The following MZB1 variants were observed in gnomAD, a reference collection of about 807,000 sequenced individuals.
MZB1 encodes marginal zone B and B1 cell specific protein, also known as marginal zone B- and B1-cell-specific protein.
Under a neutral mutation model 17.2 loss-of-function variants are expected in MZB1, and 10 were observed. That is an observed-to-expected ratio of 0.58 (90% CI 0.36 to 0.98). The LOEUF is 0.98. Ranked by LOEUF, MZB1 falls within the 50% of genes least tolerant of loss-of-function variation. The pLI, the probability that MZB1 is intolerant of heterozygous loss-of-function variation, is 0.01. For missense variants in MZB1, 246 were observed against 237.5 expected, an observed-to-expected ratio of 1.04 and a Z score of -0.23; for synonymous variants, 99 against 98.7, an observed-to-expected ratio of 1.00 and a Z score of -0.02.
In MZB1 at chr5:139,389,763, G is replaced by A; in HGVS notation, c.94C>T (p.Pro32Ser). 6.4e-7 allele frequency: 1 copy of A among 1,558,726 alleles called. No homozygotes were observed. The highest frequency in any genetic ancestry group is 8.7e-7 in the Non-Finnish European group (1 of 1,151,378). Reference sequence around the variant, plus strand: ...TACATCTCCTCATCATCCAGTTGTGGGGCTGTGGCTGTGAGTGGCGCCCTG... The same window carrying A: ...TACATCTCCTCATCATCCAGTTGTGAGGCTGTGGCTGTGAGTGGCGCCCTG... ...GDRAPLTATA[P>S]QLDDEEMYSA... Residue 32 changes from proline (P) to serine (S), a missense_variant, in exon 1 of 4, where the codon CCA (proline) becomes TCA (serine). By Grantham distance (74) the Pro-to-Ser change is moderately conservative. Transcript: ENST00000302125.
intron 1 of MZB1, chr5:139,388,864 A>C: frequency 3.6e-6 from 1 of 279,248 alleles, no homozygotes; most frequent in Non-Finnish European, 6.7e-6. Context: ...GTGTCATTTT[A>C]TTTTTATTTA....
chr5:139,389,430 G>A (rs761398510), intron 1 of MZB1: 41 of 686,086 alleles, frequency 6.0e-5, no homozygotes, highest in South Asian at 5.7e-4. Flanking sequence ...CCTGGAAAGG[G>A]AGAAGTCTAA....
At chr5:139,387,965 G>C (rs1308987298) in intron 3 of MZB1, 44 bp from the exon 4 acceptor site, 1 of 1,581,652 alleles carries the variant, frequency 6.3e-7, no homozygotes. Context: ...CCAGCCCACA[G>C]TGGGGCAAAC....
At chr5:139,388,333 C>T in intron 2 of MZB1, 128 bp downstream of exon 2, 2 of 1,197,022 alleles carry the variant, frequency 1.7e-6, no homozygotes, top group South Asian at 1.5e-5. Flanking sequence ...GACTTCATCC[C>T]AGCCAGCCCC....
intron 3 of MZB1, 29 bp from the exon 4 acceptor site, chr5:139,387,950 G>T: frequency 6.3e-7 from 1 of 1,577,434 alleles, no homozygotes. Context: ...AGCCTCAGAT[G>T]CTGCCCAGCC....
Position 139,389,809 on chromosome 5 carries a change from G to A in MZB1, c.48C>T (p.Ala16=). ...PLLLLLLGAW[A]IPGGLGDRAP... Reference sequence around the variant, plus strand: ...CCCTGTCCCCGAGGCCCCCTGGGATGGCCCAGGCTCCCAGCAGCAGCAGCA... The same window carrying A: ...CCCTGTCCCCGAGGCCCCCTGGGATAGCCCAGGCTCCCAGCAGCAGCAGCA... Residue 16 remains alanine, a synonymous_variant, in exon 1 of 4, where the codon GCC becomes GCT. Transcript: ENST00000302125. 2 of 1,550,614 alleles carry A rather than the reference G, an allele frequency of 1.3e-6. No individual in the cohort carries two copies. The highest frequency in any genetic ancestry group is 8.7e-7 in the Non-Finnish European group (1 of 1,147,098).
At chr5:139,389,539 T>G (rs1223915997) in intron 1 of MZB1, 141 bp downstream of exon 1, 38 of 1,029,698 alleles carry the variant, frequency 3.7e-5, no homozygotes, top group Admixed American at 2.0e-5. Context: ...GCATGGAATA[T>G]ATGAAAGGCT....
Position 139,387,503 on chromosome 5 carries a change from A to C in MZB1, c.*262T>G, listed in dbSNP as rs765373565. 8 of 288,478 alleles carry C rather than the reference A, an allele frequency of 2.8e-5. No individual in the cohort carries two copies. Among genetic ancestry groups the C allele is most frequent in the Middle Eastern group, 3.8e-4 (1 of 2,630 alleles). The allele number at this position is 288,478 out of a possible 1,614,324, so 17.9% of individuals were successfully genotyped here. ...AGTTTTTTTTTTTTTTTCACAAGGG[A>C]CATCAGCAGAAACACCAATGTCTGC... On this transcript the variant is annotated 3_prime_UTR_variant, in exon 4 of 4. Coordinates refer to ENST00000302125, the MANE Select transcript of MZB1 (RefSeq NM_016459.4).
Position 139,388,071 on chromosome 5 carries a change from C to T in MZB1, c.363G>A (p.Gly121=), listed in dbSNP as rs1020705719. 1.3e-6 allele frequency: 2 copies of T among 1,553,516 alleles called. No individual in the cohort carries two copies. The highest frequency in any genetic ancestry group is 1.2e-5 in the South Asian group (1 of 84,264). The part of the protein sequence containing the change: ...KRLTGPGLSE[G]PEPSISVMVT... ...CCATCACGCTGATGCTTGGCTCTGGCCCCTCGCTAAGTCCTGGGCCTGTGA... is the reference window on the plus strand; with the variant it reads ...CCATCACGCTGATGCTTGGCTCTGGTCCCTCGCTAAGTCCTGGGCCTGTGA... Residue 121 remains glycine (G), a synonymous_variant, in exon 3 of 4, where the codon GGG becomes GGA. Coordinates refer to ENST00000302125, the MANE Select transcript of MZB1 (RefSeq NM_016459.4).
chr5:139,389,675 C>T lies in MZB1; in HGVS notation c.177+5G>A. 6.3e-7 allele frequency: 1 copy of T among 1,587,236 alleles called. No individual in the cohort carries two copies. The highest frequency in any genetic ancestry group is 1.3e-5 in the African/African-American group (1 of 74,496). On this transcript the variant is annotated splice_donor_5th_base_variant and intron_variant, in intron 1 of 3. Coordinates refer to ENST00000302125, the MANE Select transcript of MZB1 (RefSeq NM_016459.4). ...AGGGCAGGGTGACAGTGGTGAAGGA[C>T]TCACCTGGTAAGCCACAGCTCTGCA... is the stretch of plus-strand genomic sequence containing the variant.
rs201720316 is a variant in MZB1 at position 139,388,004 on chromosome 5, C to A, written c.413+17G>T. 4 of 1,566,606 alleles carry A rather than the reference C, an allele frequency of 2.6e-6. No individual in the cohort carries two copies. The highest frequency in any genetic ancestry group is 3.8e-5 in the Admixed American group (2 of 52,086). On this transcript the variant is annotated intron_variant, in intron 3 of 3. Transcript: ENST00000302125. Reference sequence around the variant, plus strand: ...GGCTCCAGGAGCTTCATCCTATCCCCAAGCCCCGGGCATCACCTGGTAGGC... The same window carrying A: ...GGCTCCAGGAGCTTCATCCTATCCCAAAGCCCCGGGCATCACCTGGTAGGC...
intron 1 of MZB1, chr5:139,389,260 A>C: frequency 2.8e-6 from 1 of 361,424 alleles, no homozygotes; most frequent in Non-Finnish European, 5.4e-6. Flanking sequence ...CCCCCACCTC[A>C]CAGAGACACT....
rs1758544377 is a variant in MZB1, at chr5:139,388,061, T to G, written c.373A>C (p.Ser125Arg). ...CCCCCTGTGACCATCACGCTGATGCTTGGCTCTGGCCCCTCGCTAAGTCCT... is the reference window on the plus strand; with the variant it reads ...CCCCCTGTGACCATCACGCTGATGCGTGGCTCTGGCCCCTCGCTAAGTCCT... ...GPGLSEGPEPSISVMVTGGPW... is the reference protein window; with the variant it reads ...GPGLSEGPEPRISVMVTGGPW... Residue 125 changes from serine (S) to arginine (R), a missense_variant, in exon 3 of 4, where the codon AGC becomes CGC. Transcript: ENST00000302125. 1 of 1,554,370 alleles carries G rather than the reference T, an allele frequency of 6.4e-7. No individual in the cohort carries two copies. The highest frequency in any genetic ancestry group is 8.7e-7 in the Non-Finnish European group (1 of 1,148,624).
chr5:139,389,359 T>C (rs1175177861), intron 1 of MZB1: 1 of 569,714 alleles, frequency 1.8e-6, no homozygotes, highest in African/African-American at 1.8e-5. Context: ...ACTTGCACCA[T>C]GTACACATAG....
At chr5:139,389,132 A>G in intron 1 of MZB1, 1 of 262,704 alleles carries the variant, frequency 3.8e-6, no homozygotes, top group East Asian at 1.2e-4. Flanking sequence ...TCAGCCTCCC[A>G]AAGTGCTGGG....
chr5:139,387,640 C>T lies in MZB1; in HGVS notation c.*125G>A. ...CCACCCAGGCCCGAGTGCCCTGAGG[C>T]TGGAGGAGGGAGGCAGGATGGCAGC... On this transcript the variant is annotated 3_prime_UTR_variant, in exon 4 of 4. Coordinates refer to ENST00000302125, the MANE Select transcript of MZB1 (RefSeq NM_016459.4). 7.9e-7 allele frequency: 1 copy of T among 1,270,724 alleles called. No homozygotes were observed. The highest frequency in any genetic ancestry group is 1.0e-6 in the Non-Finnish European group (1 of 962,656). The allele number at this position is 1,270,724 out of a possible 1,614,324, so 78.7% of individuals were successfully genotyped here. A position where few individuals can be genotyped will look rare whatever the true frequency, so the allele number is the denominator to read the frequency against.
In MZB1 at chr5:139,388,252, G is replaced by A. The variant is rs56792221; in HGVS notation, c.303-121C>T. 1,122 of 1,135,818 alleles carry A rather than the reference G, an allele frequency of 9.9e-4. 7 individuals are homozygous for A. In the African/African-American group the frequency reaches 0.016, roughly 16 times the overall value. 70.4% of individuals were successfully genotyped at this position (1,135,818 alleles called of 1,614,324 possible). On this transcript the variant is annotated intron_variant, in intron 2 of 3. Transcript: ENST00000302125. ...TGGAATTCAGAGAGGGAAAGCCCCT[G>A]GCCCAAGGTCACAAGGTGACCTTGT...
At chr5:139,388,417 C>G in intron 2 of MZB1, 44 bp downstream of exon 2, 1 of 1,520,520 alleles carries the variant, frequency 6.6e-7, no homozygotes, top group Non-Finnish European at 8.8e-7. Flanking sequence ...CCCACCAGGC[C>G]TGCCCTTGGA....
In MZB1 at chr5:139,387,653, G is replaced by C. The variant is rs952424539; in HGVS notation, c.*112C>G. On this transcript the variant is annotated 3_prime_UTR_variant, in exon 4 of 4. Coordinates refer to ENST00000302125, the MANE Select transcript of MZB1 (RefSeq NM_016459.4). Reference sequence around the variant, plus strand: ...AGTGCCCTGAGGCTGGAGGAGGGAGGCAGGATGGCAGCACAGAGCAAGGGC... The same window carrying C: ...AGTGCCCTGAGGCTGGAGGAGGGAGCCAGGATGGCAGCACAGAGCAAGGGC... 5 of 1,333,582 alleles carry C rather than the reference G, an allele frequency of 3.7e-6. No individual in the cohort carries two copies. Among genetic ancestry groups the C allele is most frequent in the Non-Finnish European group, 4.9e-6 (5 of 1,015,930 alleles). 82.6% of individuals were successfully genotyped at this position (1,333,582 alleles called of 1,614,324 possible).
Sources: gnomAD v4.1 joint callset for allele counts on GRCh38, gnomAD v4.1.1 for gene constraint, MANE v1.5 for transcripts, NCBI Gene and HGNC (gene_info 2026-07-23, HGNC 2026-07-21) for gene names.